BRINP2: variants seen among roughly 807,000 people sequenced by gnomAD.
The protein encoded by BRINP2 is BMP/retinoic acid inducible neural specific 2.
Under a neutral mutation model 69.2 loss-of-function variants are expected in BRINP2, and 21 were observed. The ratio of observed to expected loss-of-function variants is 0.30; its 90% CI spans 0.22 to 0.44. The LOEUF is 0.44. BRINP2 is among the 20% of genes least tolerant of loss of function. The pLI, the probability that BRINP2 is intolerant of heterozygous loss-of-function variation, is 1.00. For synonymous variants in BRINP2, 380 were observed against 394.1 expected (o/e 0.96, Z 0.42); for missense variants, 877 against 986.0 (o/e 0.89, Z 1.48).
intron 1 of BRINP2, among the ~76,000 whole-genome samples, chr1:177,194,767 G>A (rs1648692227): frequency 6.8e-6 from 1 of 147,930 alleles, no homozygotes; most frequent in South Asian, 2.1e-4. Flanking sequence ...GCGAGGCTGT[G>A]TGTGTGTATG....
At chr1:177,181,959 C>A (rs1239565486) in intron 1 of BRINP2, among the ~76,000 whole-genome samples, 1 of 152,326 alleles carries the variant, frequency 6.6e-6, no homozygotes, top group East Asian at 1.9e-4. Flanking sequence ...TCCTAAAACC[C>A]TTATCTGTAA....
intron 1 of BRINP2, among the ~76,000 whole-genome samples, chr1:177,220,648 A>G (rs931539291): frequency 1.3e-5 from 2 of 152,176 alleles, no homozygotes; most frequent in African/African-American, 2.4e-5. Flanking sequence ...CTTTGTAGCA[A>G]TGCAATAACG....
chr1:177,259,845 A>G (rs1447451871), intron 4 of BRINP2, among the ~76,000 whole-genome samples: 1 of 152,242 alleles, frequency 6.6e-6, no homozygotes, highest in Non-Finnish European at 1.5e-5. Flanking sequence ...CTTCTGATTT[A>G]CAATATACTT....
chr1:177,222,013 C>A (rs1021948669), intron 1 of BRINP2, among the ~76,000 whole-genome samples: 9 of 152,272 alleles, frequency 5.9e-5, no homozygotes, highest in African/African-American at 1.2e-4. Flanking sequence ...GGGTTGAACC[C>A]ATCACTACAG....
chr1:177,268,742 G>A (rs1019397397), intron 4 of BRINP2, among the ~76,000 whole-genome samples: 8 of 152,126 alleles, frequency 5.3e-5, no homozygotes, highest in African/African-American at 1.7e-4. Context: ...AGACTCTGTG[G>A]CAGGTACACA....
At chr1:177,267,655 C>G (rs1418049444) in intron 4 of BRINP2, among the ~76,000 whole-genome samples, 1 of 152,142 alleles carries the variant, frequency 6.6e-6, no homozygotes, top group Non-Finnish European at 1.5e-5. Flanking sequence ...GAGAAAGAAT[C>G]TGGTTCAAAG....
At chr1:177,273,734 A>C (rs1471777072) in intron 5 of BRINP2, 141 bp downstream of exon 5, 10 of 556,662 alleles carry the variant, frequency 1.8e-5, no homozygotes, top group East Asian at 1.5e-4. Context: ...AAGTTCTGGA[A>C]CCTGTATTTA....
At chr1:177,186,114 G>A (rs1648417230) in intron 1 of BRINP2, among the ~76,000 whole-genome samples, 1 of 152,140 alleles carries the variant, frequency 6.6e-6, no homozygotes, top group Non-Finnish European at 1.5e-5. Context: ...ATCCTAAATT[G>A]GGTTGAAGAT....
intron 2 of BRINP2, among the ~76,000 whole-genome samples, chr1:177,245,448 A>T (rs986063615): frequency 6.6e-6 from 1 of 152,240 alleles, no homozygotes. Context: ...AACTTGTAGA[A>T]TAATGGAAGG....
At position 177,251,078 on chromosome 1, in the gene BRINP2, A is replaced by G. The variant is rs117488253; in HGVS notation, c.270-4841A>G. On this transcript the variant is annotated intron_variant, in intron 2 of 7. Coordinates refer to ENST00000361539, the MANE Select transcript of BRINP2 (RefSeq NM_021165.4). The stretch of plus-strand genomic sequence containing the variant: ...ATAAAAAGCTTCCTTAGACAGTATC[A>G]TTCCTTTTTCTAGGTCATTCACTAT... Among the ~76,000 whole-genome samples, 697 of 152,306 alleles carry G rather than the reference A, an allele frequency of 4.6e-3. 43 individuals are homozygous for G. The East Asian group carries it at 0.12, about 26-fold the overall frequency.
chr1:177,223,107 C>T (rs1253645815), intron 1 of BRINP2, among the ~76,000 whole-genome samples: 2 of 152,154 alleles, frequency 1.3e-5, no homozygotes, highest in Non-Finnish European at 2.9e-5. Flanking sequence ...GCACATTCGG[C>T]CCCTGGCTTT....
chr1:177,171,509 G>C lies in BRINP2; in HGVS notation c.-300G>C, dbSNP rs1358243919. ...GCACCGACAGTAAAGCGGGGAGCAAGAGAATTTGAAAAGAGACATCCGCTC... is the reference window on the plus strand; with the variant it reads ...GCACCGACAGTAAAGCGGGGAGCAACAGAATTTGAAAAGAGACATCCGCTC... On this transcript the variant is annotated 5_prime_UTR_variant, in exon 1 of 8. Transcript: ENST00000361539. The C allele has an allele frequency of 6.4e-6, 1 of 157,380 alleles. No homozygotes were observed. The highest frequency in any genetic ancestry group is 1.9e-4 in the East Asian group (1 of 5,358). The allele number at this position is 157,380 out of a possible 1,614,324, so 9.7% of individuals were successfully genotyped here. A position where few individuals can be genotyped will look rare whatever the true frequency, so the allele number is the denominator to read the frequency against.
intron 1 of BRINP2, among the ~76,000 whole-genome samples, chr1:177,179,868 T>G (rs1648196482): frequency 6.6e-6 from 1 of 152,152 alleles, no homozygotes; most frequent in Non-Finnish European, 1.5e-5. Flanking sequence ...GTGTTCTGTT[T>G]CTTGACCCGA....
At position 177,173,320 on chromosome 1, in the gene BRINP2, T is replaced by G. The variant is rs1647994704; in HGVS notation, c.-77+1588T>G. 2.6e-5 allele frequency among the ~76,000 whole-genome samples: 4 copies of G among 152,218 alleles called. No homozygotes were observed. The South Asian group carries it at 8.3e-4, about 31-fold the overall frequency. ...ATATAATTTGAAAAGGCACAGAGCA[T>G]GTATATTGTGAAATATTTGAGATAA... On this transcript the variant is annotated intron_variant, in intron 1 of 7. Transcript: ENST00000361539.
At chr1:177,245,990 T>A (rs1650364750) in intron 2 of BRINP2, among the ~76,000 whole-genome samples, 1 of 152,208 alleles carries the variant, frequency 6.6e-6, no homozygotes, top group South Asian at 2.1e-4. Flanking sequence ...AATCATTGTT[T>A]ACGGGCCGTT....
intron 1 of BRINP2, among the ~76,000 whole-genome samples, chr1:177,189,107 A>G (rs1287252549): frequency 6.6e-6 from 1 of 152,226 alleles, no homozygotes; most frequent in Non-Finnish European, 1.5e-5. Flanking sequence ...TAACTATGAT[A>G]AAACATTTTA....
chr1:177,204,353 T>G (rs1487332655), intron 1 of BRINP2, among the ~76,000 whole-genome samples: 1 of 151,808 alleles, frequency 6.6e-6, no homozygotes, highest in Non-Finnish European at 1.5e-5. Context: ...AAGCCATGGA[T>G]GGAGGTGAGG....
chr1:177,275,983 C>A (rs767651004), intron 5 of BRINP2, among the ~76,000 whole-genome samples: 5 of 152,226 alleles, frequency 3.3e-5, no homozygotes, highest in Non-Finnish European at 5.9e-5. Context: ...TTGATTTTCC[C>A]ATCTGCATTT....
intron 1 of BRINP2, among the ~76,000 whole-genome samples, chr1:177,213,948 G>T (rs1030773258): frequency 2.0e-5 from 3 of 152,122 alleles, no homozygotes; most frequent in Admixed American, 2.0e-4. Context: ...TTTACAAAAG[G>T]TTTCATTTGT....
Sources: gnomAD v4.1 joint callset for allele counts (sites outside exome capture counted in the v4.1 genomes callset) on GRCh38, gnomAD v4.1.1 for gene constraint, MANE v1.5 for transcripts, NCBI Gene and HGNC (gene_info 2026-07-23, HGNC 2026-07-21) for gene names.